The following USP31 variants were observed in gnomAD, a reference collection of about 807,000 sequenced individuals.
USP31 encodes ubiquitin specific peptidase 31, also known as ubiquitin carboxyl-terminal hydrolase 31.
In USP31, 44 loss-of-function variants were observed where a neutral mutation model predicts 119.4. That is an observed-to-expected ratio of 0.37 (90% confidence interval 0.29 to 0.47). The LOEUF (loss-of-function observed/expected upper bound fraction) is 0.47. Among genes scored for constraint, USP31 ranks in the 20% least tolerant of loss-of-function variants. USP31 has a pLI of 0.99. For synonymous variants in USP31, 749 were observed against 705.6 expected (o/e 1.06, Z -0.97); for missense variants, 1,643 against 1,730.2 (o/e 0.95, Z 0.89).
intron 12 of USP31, 26 bp downstream of exon 12, chr16:23,082,412 T>C (rs1900871841): frequency 6.2e-7 from 1 of 1,612,384 alleles, no homozygotes; most frequent in Non-Finnish European, 8.5e-7. Flanking sequence ...AACTTGTTTG[T>C]TCCTGAGGAT....
rs1354584389 is a variant in USP31 at position 23,064,372 on chromosome 16, G to A, written c.*3674C>T. 1 of 152,138 alleles carries A rather than the reference G, an allele frequency of 6.6e-6. No individual in the cohort carries two copies. The highest frequency in any genetic ancestry group is 2.4e-5 in the African/African-American group (1 of 41,426). The allele number at this position is 152,138 out of a possible 1,614,324, so 9.4% of individuals were successfully genotyped here. A position where few individuals can be genotyped will look rare whatever the true frequency, so the allele number is the denominator to read the frequency against. On this transcript the variant is annotated 3_prime_UTR_variant, in exon 16 of 16. Transcript: ENST00000219689. ...CTCTGCTCCATTTTCCCTAAAGGCT[G>A]CCACTCTTGGTCCCTTTACATACTG...
At chr16:23,085,552 G>A in intron 10 of USP31, 33 bp downstream of exon 10, 3 of 1,564,492 alleles carry the variant, frequency 1.9e-6, no homozygotes, top group Non-Finnish European at 2.6e-6. Flanking sequence ...TTAAAACAAT[G>A]TTTCTATAAA....
At position 23,148,823 on chromosome 16, in the gene USP31, C is replaced by G. The variant is rs1300555644; in HGVS notation, c.448G>C (p.Glu150Gln). ...AGCGCCAGGTACTCGGCGAAGAGCT[C>G]GGTGTTGCTGAGGCACTGCAGCGTG... is the stretch of plus-strand genomic sequence containing the variant. Reference protein sequence around the residue: ...NATLQCLSNTELFAEYLALGQ... With the variant: ...NATLQCLSNTQLFAEYLALGQ... Residue 150 changes from glutamate to glutamine, a missense_variant, in exon 1 of 16, where the codon GAG becomes CAG. Physicochemically the swap from Glu to Gln is conservative, Grantham distance 29. Transcript: ENST00000219689. 4 of 1,538,660 alleles carry G rather than the reference C, an allele frequency of 2.6e-6. No individual in the cohort carries two copies. Among genetic ancestry groups the G allele is most frequent in the Non-Finnish European group, 2.6e-6 (3 of 1,146,552 alleles).
In USP31 at chr16:23,105,592, T is replaced by C. The variant is rs774008152; in HGVS notation, c.954-16A>G. The C allele has an allele frequency of 1.4e-5, 21 of 1,536,920 alleles. 1 individual carries two copies. The South Asian group carries it at 2.6e-4, about 19-fold the overall frequency. ...ATAGAGAGGCCTGTACAGATCAAAG[T>C]CAGATCTTCTCATTAGTCACTTATT... is the stretch of plus-strand genomic sequence containing the variant. On this transcript the variant is annotated splice_polypyrimidine_tract_variant and intron_variant, in intron 4 of 15. Coordinates refer to ENST00000219689, the MANE Select transcript of USP31 (RefSeq NM_020718.4).
rs747771614 is a variant in USP31, at chr16:23,069,125, G to A, written c.2980C>T (p.Gln994Ter). Residue 994 changes from glutamine to a stop codon, truncating the protein, a stop_gained, in exon 16 of 16, where the codon CAG becomes TAG. Transcript: ENST00000219689. LOFTEE classifies it high-confidence loss of function. ...GGAGAGCTGTCTACGGAGTCGCTCT[G>A]ATCCACATAAGCGATCTGATTATTG... ...DNNNQIAYVD[Q>*]SDSVDSSPVK... 2 of 1,613,468 alleles carry A rather than the reference G, an allele frequency of 1.2e-6. No homozygotes were observed. Among genetic ancestry groups the A allele is most frequent in the Non-Finnish European group, 1.7e-6 (2 of 1,180,034 alleles).
chr16:23,079,917 A>G, intron 13 of USP31, 29 bp downstream of exon 13: 1 of 1,560,830 alleles, frequency 6.4e-7, no homozygotes, highest in Non-Finnish European at 8.7e-7. Flanking sequence ...ACTCGCCAGC[A>G]CAGACACGCA....
At position 23,148,650 on chromosome 16, in the gene USP31, GC is replaced by G. The variant is rs1903604140; in HGVS notation, c.620del (p.Ser207ThrfsTer42). Reference protein sequence around the residue: ...LWTLEYTPQHSRDFKTIVSKN... With the variant: ...LWTLEYTPQHXRDFKTIVSKN... ...CGCGCGGGCTCACCTTGAAGTCGCG[GC>G]TGTGCTGCGGGGTGTACTCCAGGGT... On this transcript the variant is annotated frameshift_variant, in exon 1 of 16. Transcript: ENST00000219689. LOFTEE classifies it high-confidence loss of function. 6.7e-7 allele frequency: 1 copy of G among 1,489,406 alleles called. No homozygotes were observed. The highest frequency in any genetic ancestry group is 1.5e-5 in the African/African-American group (1 of 68,064). The allele number at this position is 1,489,406 out of a possible 1,614,324, so 92.3% of individuals were successfully genotyped here.
chr16:23,123,582 A>C (rs554819947), intron 1 of USP31, among the ~76,000 whole-genome samples: 1 of 152,284 alleles, frequency 6.6e-6, no homozygotes, highest in African/African-American at 2.4e-5. Context: ...GAAAGTTGAC[A>C]TTAAAAAGGA....
At position 23,085,645 on chromosome 16, in the gene USP31, C is replaced by G. The variant is rs1467161806; in HGVS notation, c.1640G>C (p.Gly547Ala). Residue 547 changes from glycine (G) to alanine (A), a missense_variant, in exon 10 of 16, where the codon GGA (glycine) becomes GCA (alanine). Transcript: ENST00000219689. ...TTTCACATGAGCAGTGCCACCTGGT[C>G]CACAAGATTTTAATGCCCTATAGAA... ...PIVERALKSC[G>A]PGGTAHVKLV... 6.2e-7 allele frequency: 1 copy of G among 1,613,912 alleles called. No homozygotes were observed. The highest frequency in any genetic ancestry group is 2.2e-5 in the East Asian group (1 of 44,862).
intron 1 of USP31, among the ~76,000 whole-genome samples, chr16:23,137,543 A>C (rs1903229667): frequency 6.6e-6 from 1 of 151,736 alleles, no homozygotes; most frequent in African/African-American, 2.4e-5. Context: ...GTGATAATTT[A>C]CTTATTCTGT....
chr16:23,093,228 G>T (rs1246876164), intron 6 of USP31, among the ~76,000 whole-genome samples: 3 of 152,072 alleles, frequency 2.0e-5, no homozygotes, highest in African/African-American at 4.8e-5. Flanking sequence ...TATCAAGAAA[G>T]AGAAAAAACC....
intron 1 of USP31, among the ~76,000 whole-genome samples, chr16:23,119,849 T>C (rs939660496): frequency 4.6e-5 from 7 of 152,188 alleles, no homozygotes; most frequent in African/African-American, 1.7e-4. Flanking sequence ...GAGACAAAGA[T>C]CTGGCTTTAG....
intron 1 of USP31, among the ~76,000 whole-genome samples, chr16:23,127,642 G>GTTT (rs397766138): frequency 1.6e-5 from 2 of 128,142 alleles, no homozygotes; most frequent in African/African-American, 2.9e-5. Context: ...AATTTTTGTA[G>GTTT]TTTTTTTTTT....
chr16:23,142,818 T>C (rs1350068572), intron 1 of USP31, among the ~76,000 whole-genome samples: 1 of 152,262 alleles, frequency 6.6e-6, no homozygotes, highest in Non-Finnish European at 1.5e-5. Context: ...TTTTATACTC[T>C]GTCACAAAGC....
At position 23,149,296 on chromosome 16, in the gene USP31, C is replaced by T. The variant is rs1903647857; in HGVS notation, c.-26G>A. ...GGCGGCGGCCGCAGACACTCATCAC[C>T]GCGCCCGCCCGCCCGGCCCGCGGCC... On this transcript the variant is annotated 5_prime_UTR_variant, in exon 1 of 16. Transcript: ENST00000219689. 9.6e-7 allele frequency: 1 copy of T among 1,045,400 alleles called. No homozygotes were observed. Among genetic ancestry groups the T allele is most frequent in the African/African-American group, 1.7e-5 (1 of 58,180 alleles). The allele number at this position is 1,045,400 out of a possible 1,614,324, so 64.8% of individuals were successfully genotyped here. A position where few individuals can be genotyped will look rare whatever the true frequency, so the allele number is the denominator to read the frequency against.
At chr16:23,107,093 CA>C (rs1902139861) in intron 2 of USP31, among the ~76,000 whole-genome samples, 1 of 148,594 alleles carries the variant, frequency 6.7e-6, no homozygotes, top group African/African-American at 2.5e-5. Context: ...GCCTGGGCAA[CA>C]AGAGCGAAAG....
chr16:23,108,764 T>C (rs1902208359), intron 1 of USP31, among the ~76,000 whole-genome samples: 1 of 152,232 alleles, frequency 6.6e-6, no homozygotes, highest in Non-Finnish European at 1.5e-5. Context: ...TTTTTTTCCT[T>C]CTCACTTTTC....
chr16:23,130,132 C>T (rs1018574300), intron 1 of USP31, among the ~76,000 whole-genome samples: 8 of 152,032 alleles, frequency 5.3e-5, no homozygotes, highest in Non-Finnish European at 2.9e-5. Context: ...TCTGCCTTTC[C>T]GGGACAGGGG....
At chr16:23,084,717 A>C (rs1901016334) in intron 11 of USP31, 143 bp downstream of exon 11, 1 of 1,031,870 alleles carries the variant, frequency 9.7e-7, no homozygotes, top group South Asian at 2.0e-5. Flanking sequence ...AAGAGCATTA[A>C]GATGCTCATT....
Sources: gnomAD v4.1 joint callset for allele counts (sites outside exome capture counted in the v4.1 genomes callset) on GRCh38, gnomAD v4.1.1 for gene constraint, MANE v1.5 for transcripts, NCBI Gene and HGNC (gene_info 2026-07-23, HGNC 2026-07-21) for gene names.